Variants in DNASE1 observed in about 807,000 individuals in gnomAD.
The protein encoded by DNASE1 is deoxyribonuclease 1, also known as deoxyribonuclease-1.
A neutral mutation model predicts 33.9 loss-of-function variants in DNASE1; 40 were observed. The ratio of observed to expected loss-of-function variants is 1.18; its 90% CI spans 0.92 to 1.54. The LOEUF is 1.54. DNASE1 is among the 40% of genes most tolerant of loss of function. The pLI is 0.00. For missense variants in DNASE1, 518 were observed against 372.6 expected (o/e 1.39, Z -3.21); for synonymous variants, 216 against 160.0 (o/e 1.35, Z -2.64).
intron 1 of DNASE1, among the ~76,000 whole-genome samples, chr16:3,615,884 C>G (rs1567183245): frequency 6.6e-6 from 1 of 152,180 alleles, no homozygotes; most frequent in Non-Finnish European, 1.5e-5. Context: ...GGGCCCTTAT[C>G]CCAGGTCTGT....
chr16:3,618,736 G>T (rs943269069), intron 1 of DNASE1, among the ~76,000 whole-genome samples: 9 of 152,130 alleles, frequency 5.9e-5, no homozygotes, highest in African/African-American at 1.9e-4. Context: ...TCAAAAAGAA[G>T]AAATGCTCAA....
exon 10 of DNASE1, chr16:3,663,611 A>G: frequency 6.2e-7 from 1 of 1,608,500 alleles, no homozygotes; most frequent in South Asian, 1.1e-5. Flanking sequence ...GCCTCCAGCC[A>G]CCACAGAAGA....
Position 3,655,841 on chromosome 16 carries a change from GC to G in DNASE1, c.148-3del. On this transcript the variant is annotated splice_region_variant and splice_polypyrimidine_tract_variant and intron_variant, in intron 2 of 8. Coordinates refer to ENST00000246949, the MANE Select transcript of DNASE1 (RefSeq NM_005223.4). ...CCCTGCTCAGCACCACTGTGGCCCT[GC>G]CCCCAGATCCTGAGCCGCTATGACA... is the stretch of plus-strand genomic sequence containing the variant. The G allele has an allele frequency of 6.2e-7, 1 of 1,613,120 alleles. No homozygotes were observed. The highest frequency in any genetic ancestry group is 1.1e-5 in the South Asian group (1 of 91,078).
chr16:3,623,262 T>C (rs1295220113), intron 1 of DNASE1, among the ~76,000 whole-genome samples: 1 of 151,906 alleles, frequency 6.6e-6, no homozygotes, highest in African/African-American at 2.4e-5. Flanking sequence ...ATTCAATAAA[T>C]AGCGCTGGGA....
At chr16:3,613,284 C>T (rs2040974974) in intron 1 of DNASE1, among the ~76,000 whole-genome samples, 1 of 152,142 alleles carries the variant, frequency 6.6e-6, no homozygotes, top group Non-Finnish European at 1.5e-5. Context: ...AGATTTCATC[C>T]ATGTAGATGA....
At chr16:3,636,591 C>G (rs938439081) in intron 1 of DNASE1, among the ~76,000 whole-genome samples, 1 of 150,328 alleles carries the variant, frequency 6.7e-6, no homozygotes, top group Non-Finnish European at 1.5e-5. Context: ...GGAGGCTGAG[C>G]GGGGAGGATC....
upstream of DNASE1, chr16:3,640,826 T>G (rs775357923): frequency 2.8e-5 from 11 of 398,458 alleles, no homozygotes; most frequent in Non-Finnish European, 4.4e-5. Context: ...TTCCTGTGGC[T>G]GTCACTCCTG....
At chr16:3,664,274 CTCTGTG>C (rs1484842008) in exon 10 of DNASE1, 1 of 1,588,902 alleles carries the variant, frequency 6.3e-7, no homozygotes, top group South Asian at 1.1e-5. Flanking sequence ...GCTCACCCAC[CTCTGTG>C]TCTTTCTTCT....
At chr16:3,657,452 CT>C in intron 7 of DNASE1, 111 bp downstream of exon 7, 2 of 1,418,224 alleles carry the variant, frequency 1.4e-6, no homozygotes, top group Non-Finnish European at 9.6e-7. Flanking sequence ...CCCAACTGAG[CT>C]TCAGTTGATC....
At chr16:3,629,305 G>A (rs1381711698) in intron 1 of DNASE1, among the ~76,000 whole-genome samples, 1 of 151,986 alleles carries the variant, frequency 6.6e-6, no homozygotes, top group Non-Finnish European at 1.5e-5. Flanking sequence ...TTGAGAGGGT[G>A]TTACATTTTG....
intron 1 of DNASE1, among the ~76,000 whole-genome samples, chr16:3,634,187 C>T (rs1272616931): frequency 2.0e-5 from 3 of 151,526 alleles, no homozygotes; most frequent in South Asian, 2.1e-4. Flanking sequence ...TACATTGTTG[C>T]GGGTTTGTTT....
At chr16:3,617,998 A>C (rs923691322) in intron 1 of DNASE1, among the ~76,000 whole-genome samples, 2 of 152,042 alleles carry the variant, frequency 1.3e-5, no homozygotes, top group Middle Eastern at 3.4e-3. Flanking sequence ...TTCTAGTAGC[A>C]CAATATAGAA....
At chr16:3,613,808 C>T (rs1342040544) in intron 1 of DNASE1, among the ~76,000 whole-genome samples, 2 of 152,104 alleles carry the variant, frequency 1.3e-5, no homozygotes, top group African/African-American at 4.8e-5. Flanking sequence ...GGCTGGAGCG[C>T]AGTGGTGTGT....
At chr16:3,663,539 A>T (rs2050741697) in exon 10 of DNASE1, 1 of 1,614,090 alleles carries the variant, frequency 6.2e-7, no homozygotes, top group African/African-American at 1.3e-5. Context: ...TGAGCTCATC[A>T]AACTGCTCAA....
At chr16:3,641,310 G>C (rs1447452896), upstream of DNASE1, 2 of 182,870 alleles carry the variant, frequency 1.1e-5, no homozygotes, top group Non-Finnish European at 2.3e-5. Flanking sequence ...TTCCTGGGGA[G>C]GCTGAGGCTT....
intron 1 of DNASE1, among the ~76,000 whole-genome samples, chr16:3,629,349 T>A (rs2041626943): frequency 6.6e-6 from 1 of 152,102 alleles, no homozygotes; most frequent in South Asian, 2.1e-4. Context: ...TGAGATGATG[T>A]GATATGTTTC....
upstream of DNASE1, chr16:3,651,131 A>C (rs939831828): frequency 6.6e-6 from 1 of 152,136 alleles, no homozygotes; most frequent in African/African-American, 2.4e-5. Flanking sequence ...GGGTCACACA[A>C]CACTGGCTGT....
At chr16:3,645,441 C>T (rs905203188) in intron 1 of DNASE1, among the ~76,000 whole-genome samples, 1 of 152,264 alleles carries the variant, frequency 6.6e-6, no homozygotes, top group Non-Finnish European at 1.5e-5. Flanking sequence ...TATGAGTTCT[C>T]ATTGTCCTCA....
chr16:3,642,450 G>A (rs1346425155), upstream of DNASE1, among the ~76,000 whole-genome samples: 1 of 152,200 alleles, frequency 6.6e-6, no homozygotes, highest in Non-Finnish European at 1.5e-5. Context: ...ACTGAGTAGG[G>A]GCAACCAGCA....
Sources: gnomAD v4.1 joint callset for allele counts (sites outside exome capture counted in the v4.1 genomes callset) on GRCh38, gnomAD v4.1.1 for gene constraint, MANE v1.5 for transcripts, NCBI Gene and HGNC (gene_info 2026-07-23, HGNC 2026-07-21) for gene names.